The following KANSL1 variants were observed in gnomAD, a reference collection of about 807,000 sequenced individuals.
The protein encoded by KANSL1 is MLL1/MLL complex subunit KANSL1.
In KANSL1, 22 loss-of-function variants were observed where a neutral mutation model predicts 103.6. That is an observed-to-expected ratio of 0.21 (90% CI 0.15 to 0.30). KANSL1 has a LOEUF of 0.30. KANSL1 is among the 10% of genes least tolerant of loss of function. KANSL1 has a pLI of 1.00. For missense variants in KANSL1, 1,337 were observed against 1,399.8 expected (o/e 0.96, Z 0.72); for synonymous variants, 600 against 527.6 (o/e 1.14, Z -1.88).
intron 2 of KANSL1, among the ~76,000 whole-genome samples, chr17:46,125,073 G>GGAGGGAGGGAGA: frequency 2.3e-5 from 1 of 42,822 alleles, no homozygotes; most frequent in Non-Finnish European, 6.1e-5. Flanking sequence ...GAGGGAGGAG[G>GGAGGGAGGGAGA]GAGGGAGGGA....
intron 2 of KANSL1, among the ~76,000 whole-genome samples, chr17:46,123,749 G>A (rs921082426): frequency 2.0e-5 from 3 of 152,200 alleles, no homozygotes; most frequent in Admixed American, 6.5e-5. Context: ...GCTGCTTTAC[G>A]AAGTTTAAGG....
intron 1 of KANSL1, among the ~76,000 whole-genome samples, chr17:46,210,485 A>AG (rs1567806728): frequency 7.4e-3 from 16 of 2,154 alleles, no homozygotes; most frequent in African/African-American, 0.035. Flanking sequence ...AAAAAAAAAA[A>AG]AAAAAAAAAA....
chr17:46,191,839 G>A (rs2047342414), intron 1 of KANSL1, among the ~76,000 whole-genome samples: 1 of 152,222 alleles, frequency 6.6e-6, no homozygotes, highest in South Asian at 2.1e-4. Flanking sequence ...GGGAGGCGAG[G>A]CTGGAGGAAG....
At chr17:46,116,868 A>G (rs998973258) in intron 2 of KANSL1, among the ~76,000 whole-genome samples, 4 of 152,358 alleles carry the variant, frequency 2.6e-5, no homozygotes, top group Non-Finnish European at 5.9e-5. Flanking sequence ...AAAATCTATA[A>G]ATCTGTAGCT....
chr17:46,039,744 T>C lies in KANSL1; in HGVS notation c.2161A>G (p.Lys721Glu), dbSNP rs2146368894. ...MPGSLPDSAR[K>E]DRHKLVSSFL... Reference sequence around the variant, plus strand: ...GAGCTGACCAATTTGTGCCTGTCCTTACGAGCTGAATCTGGCAGACTGCCC... The same window carrying C: ...GAGCTGACCAATTTGTGCCTGTCCTCACGAGCTGAATCTGGCAGACTGCCC... Residue 721 changes from lysine (K) to glutamate (E), a missense_variant, in exon 8 of 15, where the codon AAG becomes GAG. By Grantham distance (56) the Lys-to-Glu change is moderately conservative (BLOSUM62 1). Around this residue, in one of 2 missense-constraint regions of KANSL1, gnomAD observed 780 missense variants for 923.4 expected, o/e 0.84. Coordinates refer to ENST00000432791, the MANE Select transcript of KANSL1 (RefSeq NM_015443.4). 1.9e-6 allele frequency: 3 copies of C among 1,614,188 alleles called. No individual in the cohort carries two copies. Among genetic ancestry groups the C allele is most frequent in the Non-Finnish European group, 2.5e-6 (3 of 1,180,036 alleles).
chr17:46,202,412 G>A (rs2047834572), intron 1 of KANSL1, among the ~76,000 whole-genome samples: 1 of 152,226 alleles, frequency 6.6e-6, no homozygotes, highest in Non-Finnish European at 1.5e-5. Flanking sequence ...ACTGTTTCAA[G>A]ATAGAAAAGG....
intron 2 of KANSL1, among the ~76,000 whole-genome samples, chr17:46,135,159 GA>G (rs67775973): frequency 0.15 from 21,606 of 145,920 alleles, 2,095 homozygotes; most frequent in Non-Finnish European, 0.22. Context: ...ATAACTTGGG[GA>G]AAAAAAAAAG....
At chr17:46,176,579 T>C (rs2046529397) in intron 1 of KANSL1, among the ~76,000 whole-genome samples, 1 of 151,890 alleles carries the variant, frequency 6.6e-6, no homozygotes, top group Non-Finnish European at 1.5e-5. Flanking sequence ...TAATCCCAGC[T>C]ACCTGGGAGG....
At chr17:46,216,397 C>T (rs983807573) in intron 1 of KANSL1, among the ~76,000 whole-genome samples, 3 of 151,962 alleles carry the variant, frequency 2.0e-5, no homozygotes, top group Non-Finnish European at 4.4e-5. Context: ...ATCAGGAGTT[C>T]GAGACCAGCC....
Position 46,030,380 on chromosome 17 carries a change from A to G in KANSL1, c.*1096T>C, listed in dbSNP as rs189466615. On this transcript the variant is annotated 3_prime_UTR_variant, in exon 15 of 15. Coordinates refer to ENST00000432791, the MANE Select transcript of KANSL1 (RefSeq NM_015443.4). ...TACGATTACAAAATGGCCAAAAAAAAAGAGTCTTCTCCCCCCTCCCCCTTT... is the reference window on the plus strand; with the variant it reads ...TACGATTACAAAATGGCCAAAAAAAGAGAGTCTTCTCCCCCCTCCCCCTTT... 1.5e-3 allele frequency: 221 copies of G among 152,160 alleles called. 1 individual carries two copies. Among genetic ancestry groups the G allele is most frequent in the African/African-American group, 5.1e-3 (210 of 41,500 alleles). 9.4% of individuals were successfully genotyped at this position (152,160 alleles called of 1,614,324 possible). A position where few individuals can be genotyped will look rare whatever the true frequency, so the allele number is the denominator to read the frequency against.
intron 2 of KANSL1, among the ~76,000 whole-genome samples, chr17:46,099,875 T>C (rs991199109): frequency 1.3e-5 from 2 of 152,262 alleles, no homozygotes; most frequent in African/African-American, 2.4e-5. Flanking sequence ...CCATGTGCTA[T>C]ACAAAAATTC....
intron 2 of KANSL1, among the ~76,000 whole-genome samples, chr17:46,128,192 T>C (rs2043668974): frequency 6.6e-6 from 1 of 152,156 alleles, no homozygotes; most frequent in Non-Finnish European, 1.5e-5. Context: ...CTATCTCTAG[T>C]AAATAGACTC....
At chr17:46,082,579 C>A in intron 3 of KANSL1, 37 bp from the exon 4 acceptor site, 1 of 1,213,334 alleles carries the variant, frequency 8.2e-7, no homozygotes, top group Non-Finnish European at 1.2e-6. Flanking sequence ...CATAAGTGAG[C>A]AGTATAAACT....
At chr17:46,103,051 T>G (rs1357998122) in intron 2 of KANSL1, among the ~76,000 whole-genome samples, 1 of 152,178 alleles carries the variant, frequency 6.6e-6, no homozygotes, top group South Asian at 2.1e-4. Flanking sequence ...AGAAACGACA[T>G]GTATACAATG....
At chr17:46,192,162 T>A (rs2047365820) in intron 1 of KANSL1, among the ~76,000 whole-genome samples, 2 of 152,190 alleles carry the variant, frequency 1.3e-5, no homozygotes, top group South Asian at 2.1e-4. Flanking sequence ...GATTTTTAAG[T>A]AAGACACGGG....
At chr17:46,057,707 A>C (rs2077984190) in intron 6 of KANSL1, among the ~76,000 whole-genome samples, 1 of 152,244 alleles carries the variant, frequency 6.6e-6, no homozygotes, top group African/African-American at 2.4e-5. Flanking sequence ...ATGCACTAAA[A>C]ATAAGATGGA....
intron 2 of KANSL1, among the ~76,000 whole-genome samples, chr17:46,129,235 T>C (rs2043726449): frequency 6.6e-6 from 1 of 152,174 alleles, no homozygotes; most frequent in African/African-American, 2.4e-5. Context: ...CCTGCTTCTT[T>C]CCCTACAGAA....
At chr17:46,225,168 C>G (rs1342335917), upstream of KANSL1, among the ~76,000 whole-genome samples, 1 of 151,992 alleles carries the variant, frequency 6.6e-6, no homozygotes, top group East Asian at 1.9e-4. Flanking sequence ...TTCCAGGGCC[C>G]TCGGCGGCGC....
intron 2 of KANSL1, among the ~76,000 whole-genome samples, chr17:46,151,183 C>T (rs1038256511): frequency 9.2e-5 from 14 of 152,318 alleles, no homozygotes; most frequent in Non-Finnish European, 1.8e-4. Flanking sequence ...CAAATTAAAA[C>T]AACGATGCTT....
Sources: gnomAD v4.1 joint callset for allele counts (sites outside exome capture counted in the v4.1 genomes callset) on GRCh38, gnomAD v4.1.1 for gene constraint, gnomAD v4.1.1 regional missense constraint, MANE v1.5 for transcripts, NCBI Gene and HGNC (gene_info 2026-07-23, HGNC 2026-07-21) for gene names.